The following PEX5L variants were observed in gnomAD, a reference collection of about 807,000 sequenced individuals.
PEX5L encodes the protein peroxisomal biogenesis factor 5 like.
A neutral mutation model predicts 84.0 loss-of-function variants in PEX5L; 30 were observed. The ratio of observed to expected loss-of-function variants is 0.36; its 90% CI spans 0.27 to 0.48. The LOEUF is 0.48. Ranked by LOEUF, PEX5L falls within the 20% of genes least tolerant of loss-of-function variation. The pLI is 0.99. For synonymous variants in PEX5L, 270 were observed against 283.1 expected, an observed-to-expected ratio of 0.95 and a Z score of 0.46; for missense variants, 533 against 754.6, an observed-to-expected ratio of 0.71 and a Z score of 3.44.
intron 5 of PEX5L, 111 bp from the exon 6 acceptor site, chr3:179,875,588 T>G: frequency 1.4e-6 from 1 of 712,590 alleles, no homozygotes; most frequent in Non-Finnish European, 2.3e-6. Flanking sequence ...GGAAAAAGAT[T>G]AATTAAGATT....
At chr3:179,942,549 T>A (rs1776444629) in intron 2 of PEX5L, among the ~76,000 whole-genome samples, 1 of 152,220 alleles carries the variant, frequency 6.6e-6, no homozygotes. Flanking sequence ...TTATCTTGAA[T>A]TCTTTGGTCC....
At chr3:179,994,218 A>G (rs748656117) in intron 1 of PEX5L, among the ~76,000 whole-genome samples, 7 of 152,222 alleles carry the variant, frequency 4.6e-5, no homozygotes, top group Non-Finnish European at 1.0e-4. Context: ...AGAATCACCC[A>G]GCCATCCCAT....
intron 1 of PEX5L, among the ~76,000 whole-genome samples, chr3:180,001,002 G>T (rs1428370840): frequency 6.6e-6 from 1 of 152,244 alleles, no homozygotes; most frequent in Admixed American, 6.5e-5. Flanking sequence ...GTCTATGAGG[G>T]TGTTGCCAAA....
chr3:179,933,902 AG>A (rs1371462178), intron 2 of PEX5L, among the ~76,000 whole-genome samples: 2 of 152,208 alleles, frequency 1.3e-5, no homozygotes, highest in East Asian at 3.9e-4. Flanking sequence ...TTTAGATTGC[AG>A]TCTGTTCCCT....
At chr3:179,983,946 T>C (rs564976713) in intron 1 of PEX5L, among the ~76,000 whole-genome samples, 1 of 152,116 alleles carries the variant, frequency 6.6e-6, no homozygotes, top group Admixed American at 6.5e-5. Context: ...AGTGAACCAA[T>C]ATTTTTCAAA....
intron 2 of PEX5L, among the ~76,000 whole-genome samples, chr3:179,924,413 A>G (rs1770776777): frequency 6.6e-6 from 1 of 152,170 alleles, no homozygotes; most frequent in African/African-American, 2.4e-5. Context: ...GAGAGGATTG[A>G]TGTTTTTGGA....
intron 2 of PEX5L, among the ~76,000 whole-genome samples, chr3:179,911,080 C>T (rs1012411584): frequency 6.6e-6 from 1 of 152,158 alleles, no homozygotes; most frequent in African/African-American, 2.4e-5. Flanking sequence ...AGAAAAATTC[C>T]AGTGGTTTTG....
chr3:179,807,775 C>G lies in PEX5L; in HGVS notation c.1575G>C (p.Glu525Asp). ...CTCGCGTATAGGCCTCCACGGCTTCCTCGCTGCGGTCTCCGTTCGCCAAGG... is the reference window on the plus strand; with the variant it reads ...CTCGCGTATAGGCCTCCACGGCTTCGTCGCTGCGGTCTCCGTTCGCCAAGG... ...GATLANGDRS[E>D]EAVEAYTRAL... The change falls in exon 14 of 15, where the codon GAG (glutamate) becomes GAC (aspartate). Residue 525 changes from glutamate (E) to aspartate (D), a missense_variant. By Grantham distance (45) the Glu-to-Asp change is conservative (BLOSUM62 2). Coordinates refer to ENST00000467460, the MANE Select transcript of PEX5L (RefSeq NM_016559.3). The G allele has an allele frequency of 6.2e-7, 1 of 1,614,126 alleles. No individual in the cohort carries two copies. Among genetic ancestry groups the G allele is most frequent in the East Asian group, 2.2e-5 (1 of 44,886 alleles).
At position 180,036,757 on chromosome 3, in the gene PEX5L, A is replaced by C; in HGVS notation, c.-158T>G. The C allele has an allele frequency of 1.3e-6, 1 of 748,116 alleles. No individual in the cohort carries two copies. The highest frequency in any genetic ancestry group is 2.4e-6 in the Non-Finnish European group (1 of 418,220). The allele number at this position is 748,116 out of a possible 1,614,324, so 46.3% of individuals were successfully genotyped here. On this transcript the variant is annotated 5_prime_UTR_variant, in exon 1 of 15. Transcript: ENST00000467460. ...CCGGGTACTCGGCCGGCCGGCGGCC[A>C]CTCGGCAGCGCTGCGGGCTGCCGGG... is the stretch of plus-strand genomic sequence containing the variant.
intron 12 of PEX5L, among the ~76,000 whole-genome samples, chr3:179,808,947 C>G (rs574350471): frequency 7.3e-5 from 11 of 151,318 alleles, no homozygotes; most frequent in Middle Eastern, 3.4e-3. Flanking sequence ...GTTGGCGGGC[C>G]CTTGTAGTCC....
chr3:179,923,709 C>A (rs920922586), intron 2 of PEX5L, among the ~76,000 whole-genome samples: 2 of 152,176 alleles, frequency 1.3e-5, no homozygotes, highest in Non-Finnish European at 2.9e-5. Flanking sequence ...TAGATAATTT[C>A]TTTATTTCTC....
intron 9 of PEX5L, 107 bp downstream of exon 9, chr3:179,819,752 CT>C (rs1727692725): frequency 1.0e-6 from 1 of 955,784 alleles, no homozygotes; most frequent in African/African-American, 1.6e-5. Context: ...ATTAAATTGT[CT>C]TTTTAATTAC....
At chr3:179,920,287 T>C (rs1283361153) in intron 2 of PEX5L, among the ~76,000 whole-genome samples, 1 of 152,184 alleles carries the variant, frequency 6.6e-6, no homozygotes, top group African/African-American at 2.4e-5. Context: ...CATCCTGCTC[T>C]TTTTAGAGGG....
chr3:179,927,304 G>C (rs1417060294), intron 2 of PEX5L, among the ~76,000 whole-genome samples: 1 of 152,156 alleles, frequency 6.6e-6, no homozygotes, highest in African/African-American at 2.4e-5. Flanking sequence ...AAAGACAGAG[G>C]CTGTGGCTTG....
intron 2 of PEX5L, among the ~76,000 whole-genome samples, chr3:179,932,666 ATTC>A (rs1301704463): frequency 2.0e-5 from 3 of 152,196 alleles, no homozygotes; most frequent in Admixed American, 1.3e-4. Flanking sequence ...CTCTATTCAC[ATTC>A]TTAACTTTTT....
At chr3:179,840,006 A>G (rs546133324) in intron 8 of PEX5L, among the ~76,000 whole-genome samples, 1 of 152,124 alleles carries the variant, frequency 6.6e-6, no homozygotes, top group Non-Finnish European at 1.5e-5. Flanking sequence ...GAGGGATGAA[A>G]GGGTAGAGAG....
At chr3:179,959,389 G>A (rs1162113846) in intron 2 of PEX5L, among the ~76,000 whole-genome samples, 1 of 152,120 alleles carries the variant, frequency 6.6e-6, no homozygotes, top group Non-Finnish European at 1.5e-5. Context: ...TGCAGCACGG[G>A]CACTGTAACT....
intron 9 of PEX5L, among the ~76,000 whole-genome samples, chr3:179,816,987 A>T (rs1037568291): frequency 7.9e-5 from 12 of 152,112 alleles, no homozygotes; most frequent in African/African-American, 2.4e-4. Flanking sequence ...TCAAGATTTT[A>T]AAAATACTGA....
At position 179,947,709 on chromosome 3, in the gene PEX5L, AC is replaced by A. The variant is rs1341679723; in HGVS notation, c.93+23884del. Among the ~76,000 whole-genome samples the A allele has an allele frequency of 7.9e-5, 6 of 76,336 alleles. No individual in the cohort carries two copies. The South Asian group carries it at 1.4e-3, about 18-fold the overall frequency. The allele number at this position is 76,336 out of a possible 152,430, so 50.1% of individuals were successfully genotyped here. ...TTTAAATGTAATAATCAAAAAAGTT[AC>A]TTTTTTTTTTTTTTGAGACGGAGTC... On this transcript the variant is annotated intron_variant, in intron 2 of 14. Coordinates refer to ENST00000467460, the MANE Select transcript of PEX5L (RefSeq NM_016559.3).
Sources: allele counts gnomAD v4.1 joint callset (sites outside exome capture counted in the v4.1 genomes callset), GRCh38; gene constraint gnomAD v4.1.1; transcripts MANE v1.5; gene names NCBI Gene and HGNC (gene_info 2026-07-23, HGNC 2026-07-21).